NTN4: variants seen among roughly 807,000 people sequenced by gnomAD.
The protein encoded by NTN4 is netrin-4.
NTN4 carries 32 observed loss-of-function variants against 73.6 expected under a neutral mutation model. The observed-to-expected ratio is 0.44, with a 90% CI of 0.33 to 0.58. The LOEUF (loss-of-function observed/expected upper bound fraction) is 0.58. Among genes scored for constraint, NTN4 ranks in the 20% least tolerant of loss-of-function variants. NTN4 has a pLI of 0.04. For missense variants in NTN4, 654 were observed against 798.3 expected (o/e 0.82, Z 2.18); for synonymous variants, 258 against 287.5 (o/e 0.90, Z 1.04).
At chr12:95,756,730 A>C (rs1592707103) in intron 2 of NTN4, among the ~76,000 whole-genome samples, 5 of 144,504 alleles carry the variant, frequency 3.5e-5, no homozygotes, top group Admixed American at 7.0e-5. Context: ...ATCCTTCCCC[A>C]CTCTTTCTTC....
Position 95,683,497 on chromosome 12 carries a change from C to T in NTN4, c.1394+1G>A. 1.9e-6 allele frequency: 3 copies of T among 1,613,228 alleles called. No individual in the cohort carries two copies. Among genetic ancestry groups the T allele is most frequent in the Non-Finnish European group, 2.5e-6 (3 of 1,179,386 alleles). The stretch of plus-strand genomic sequence containing the variant: ...TGAGAGCAAGAGCCTTGCACATTCA[C>T]CTGCTGATGCAGTCTCCGGTGATAG... On this transcript the variant is annotated splice_donor_variant, in intron 6 of 9. Transcript: ENST00000343702. LOFTEE classifies it high-confidence loss of function.
intron 2 of NTN4, among the ~76,000 whole-genome samples, chr12:95,739,253 C>T (rs1311512709): frequency 6.6e-6 from 1 of 152,084 alleles, no homozygotes; most frequent in Admixed American, 6.6e-5. Context: ...AATTCATTCG[C>T]ATACTGAATT....
rs550299066 is a variant in NTN4 at position 95,789,575 on chromosome 12, C to T, written c.55+680G>A. Among the ~76,000 whole-genome samples, 10 of 152,238 alleles carry T rather than the reference C, an allele frequency of 6.6e-5. 1 individual carries two copies. The South Asian group carries it at 1.9e-3, about 28-fold the overall frequency. ...GGAGGGAGAGGGCATCTGCCGACGC[C>T]GACGCCGGTTGTCCAGTTACCGAGC... On this transcript the variant is annotated intron_variant, in intron 1 of 9. Transcript: ENST00000343702. This position sits in a 1 kb window ranked among gnomAD's most constrained non-coding sequence, Gnocchi z 4.0.
intron 3 of NTN4, among the ~76,000 whole-genome samples, chr12:95,729,470 T>G (rs2078720183): frequency 6.6e-6 from 1 of 152,146 alleles, no homozygotes. Context: ...TTTATTCCAT[T>G]AAAATATTTA....
intron 2 of NTN4, among the ~76,000 whole-genome samples, chr12:95,754,690 C>T (rs938455305): frequency 6.6e-6 from 1 of 152,140 alleles, no homozygotes; most frequent in African/African-American, 2.4e-5. Context: ...ACCTTGTGAC[C>T]CCTACCCCTG....
At chr12:95,707,855 A>G (rs79559581) in intron 5 of NTN4, among the ~76,000 whole-genome samples, 4,111 of 152,316 alleles carry the variant, frequency 0.027, 96 homozygotes, top group South Asian at 0.12. Context: ...GCCCTACAAG[A>G]TAACTTATCC....
chr12:95,693,621 C>T (rs1048451688), intron 5 of NTN4, among the ~76,000 whole-genome samples: 63 of 151,010 alleles, frequency 4.2e-4, no homozygotes, highest in Admixed American at 3.2e-3. Context: ...ATCCCAAATA[C>T]TCAGGAGGCT....
rs1414733241 is a variant in NTN4, at chr12:95,790,268, C to T, written c.42G>A (p.Thr14=). 1.3e-6 allele frequency: 2 copies of T among 1,536,316 alleles called. No homozygotes were observed. Among genetic ancestry groups the T allele is most frequent in the Admixed American group, 2.0e-5 (1 of 50,022 alleles). ...GTCACCACCCACCTGCGGCCACCAC[C>T]GTGCAGCCCCAGAGCAGCAGCAGCC... The part of the protein sequence containing the change: ...CARLLLLWGC[T]VVAAGLSGVA... The change falls in exon 1 of 10, where the codon ACG becomes ACA. Residue 14 remains threonine (T), a synonymous_variant. Coordinates refer to ENST00000343702, the MANE Select transcript of NTN4 (RefSeq NM_021229.4). This position sits in a 1 kb window ranked among gnomAD's most constrained non-coding sequence, Gnocchi z 6.5.
chr12:95,670,220 G>T, intron 7 of NTN4, 74 bp from the exon 8 acceptor site: 1 of 838,046 alleles, frequency 1.2e-6, no homozygotes. Flanking sequence ...ATCAGCAAGT[G>T]TATCCAGATA....
At chr12:95,731,517 G>C (rs775273450) in intron 3 of NTN4, among the ~76,000 whole-genome samples, 1 of 152,160 alleles carries the variant, frequency 6.6e-6, no homozygotes, top group African/African-American at 2.4e-5. Flanking sequence ...AGTGAGCCGA[G>C]ATTGCGCCAC....
At chr12:95,707,987 C>A (rs1225275586) in intron 5 of NTN4, among the ~76,000 whole-genome samples, 1 of 152,092 alleles carries the variant, frequency 6.6e-6, no homozygotes, top group African/African-American at 2.4e-5. Flanking sequence ...TATATCTATT[C>A]ATTTAAACAT....
At chr12:95,692,609 C>T (rs138342328) in intron 5 of NTN4, among the ~76,000 whole-genome samples, 1 of 152,302 alleles carries the variant, frequency 6.6e-6, no homozygotes, top group Non-Finnish European at 1.5e-5. Context: ...GCAGGAAACA[C>T]ACCTGTTAAT....
chr12:95,693,084 C>G lies in NTN4; in HGVS notation c.1181-9373G>C, dbSNP rs571710047. On this transcript the variant is annotated intron_variant, in intron 5 of 9. Coordinates refer to ENST00000343702, the MANE Select transcript of NTN4 (RefSeq NM_021229.4). Reference sequence around the variant, plus strand: ...CACTCGTTCATTCATTCACTTGCAACTTTACCAAAGGGTTATTGAACTTTA... The same window carrying G: ...CACTCGTTCATTCATTCACTTGCAAGTTTACCAAAGGGTTATTGAACTTTA... 2.6e-4 allele frequency among the ~76,000 whole-genome samples: 40 copies of G among 152,152 alleles called. 1 individual carries two copies. In the South Asian group the frequency reaches 4.0e-3, roughly 15 times the overall value.
rs558228539 is a variant in NTN4 at position 95,719,097 on chromosome 12, T to C, written c.865-5759A>G. 2.6e-5 allele frequency among the ~76,000 whole-genome samples: 4 copies of C among 152,314 alleles called. 1 individual carries two copies. The highest frequency in any genetic ancestry group is 7.2e-5 in the African/African-American group (3 of 41,590). On this transcript the variant is annotated intron_variant, in intron 3 of 9. Coordinates refer to ENST00000343702, the MANE Select transcript of NTN4 (RefSeq NM_021229.4). ...AAGGAACAACTATTGTTTGAGTCTC[T>C]TGTTGATCATGTCCTACTAAAAATT...
At chr12:95,751,430 C>T (rs2078906422) in intron 2 of NTN4, among the ~76,000 whole-genome samples, 1 of 152,354 alleles carries the variant, frequency 6.6e-6, no homozygotes, top group East Asian at 1.9e-4. Flanking sequence ...TCCAGAACCT[C>T]CTCCCACAGG....
chr12:95,778,319 A>G (rs973916406), intron 2 of NTN4, among the ~76,000 whole-genome samples: 7 of 152,130 alleles, frequency 4.6e-5, no homozygotes, highest in Non-Finnish European at 7.4e-5. Context: ...ATCAGAGCAG[A>G]ACTGAAGGAG....
At chr12:95,730,538 G>A (rs1183503937) in intron 3 of NTN4, among the ~76,000 whole-genome samples, 1 of 152,028 alleles carries the variant, frequency 6.6e-6, no homozygotes, top group Non-Finnish European at 1.5e-5. Flanking sequence ...AGTAATCCTG[G>A]GCAATTTTTT....
intron 2 of NTN4, among the ~76,000 whole-genome samples, chr12:95,778,421 C>T (rs1430417632): frequency 6.6e-6 from 1 of 151,360 alleles, no homozygotes; most frequent in Admixed American, 6.6e-5. Flanking sequence ...CTAGCAAGAC[C>T]AATAAAGAAG....
At chr12:95,788,187 G>A (rs2079183436) in intron 1 of NTN4, among the ~76,000 whole-genome samples, 1 of 152,134 alleles carries the variant, frequency 6.6e-6, no homozygotes, top group Non-Finnish European at 1.5e-5. Context: ...CTGCCAAATG[G>A]CAGAAAAGCT....
Sources: allele counts gnomAD v4.1 joint callset (sites outside exome capture counted in the v4.1 genomes callset), GRCh38; gene constraint gnomAD v4.1.1; non-coding constraint Gnocchi (gnomAD v3.1); transcripts MANE v1.5; gene names NCBI Gene and HGNC (gene_info 2026-07-23, HGNC 2026-07-21).